Variants in STARD6 observed in about 807,000 individuals in gnomAD.
STARD6 encodes stAR-related lipid transfer protein 6.
In STARD6, 21 loss-of-function variants were observed where a neutral mutation model predicts 22.3. The observed-to-expected ratio is 0.94, with a 90% CI of 0.67 to 1.35. The LOEUF is 1.35. STARD6 is among the 40% of genes most tolerant of loss of function. The pLI is 0.00. For missense variants in STARD6, 269 were observed against 266.9 expected (o/e 1.01, Z -0.05); for synonymous variants, 80 against 88.1 (o/e 0.91, Z 0.52).
At chr18:54,351,985 T>A (rs1375694346) in intron 4 of STARD6, among the ~76,000 whole-genome samples, 1 of 151,154 alleles carries the variant, frequency 6.6e-6, no homozygotes, top group African/African-American at 2.4e-5. Context: ...GATTCCTTCT[T>A]TCTCTATCTT....
intron 5 of STARD6, among the ~76,000 whole-genome samples, chr18:54,333,486 T>C (rs2088883056): frequency 6.6e-6 from 1 of 152,184 alleles, no homozygotes; most frequent in African/African-American, 2.4e-5. Flanking sequence ...TCAAACTGTA[T>C]GATTAGTATC....
intron 6 of STARD6, among the ~76,000 whole-genome samples, chr18:54,330,516 C>G (rs1004582958): frequency 6.6e-6 from 1 of 152,006 alleles, no homozygotes; most frequent in African/African-American, 2.4e-5. Context: ...ACTTTCTTAA[C>G]TGCTTAATTT....
chr18:54,334,377 A>G (rs1424702401), intron 5 of STARD6, among the ~76,000 whole-genome samples: 1 of 152,178 alleles, frequency 6.6e-6, no homozygotes, highest in Non-Finnish European at 1.5e-5. Flanking sequence ...AGTGTAAATC[A>G]AATCAGTCAC....
chr18:54,330,212 A>G (rs748757112), intron 6 of STARD6, among the ~76,000 whole-genome samples: 7 of 152,078 alleles, frequency 4.6e-5, no homozygotes, highest in Non-Finnish European at 1.0e-4. Flanking sequence ...GGGAAATACA[A>G]TGTAAAACAC....
chr18:54,339,442 C>A, intron 4 of STARD6, among the ~76,000 whole-genome samples: 1 of 149,778 alleles, frequency 6.7e-6, no homozygotes, highest in Non-Finnish European at 1.5e-5. Flanking sequence ...AGTCAAAATT[C>A]TGAACATGAA....
Position 54,348,557 on chromosome 18 carries a change from T to C in STARD6, c.140+5497A>G, listed in dbSNP as rs1484521001. ...CACTAGTTAGGTGACTTGGAGATAG[T>C]AACTTACATAGGCCCTTATTCATTT... is the stretch of plus-strand genomic sequence containing the variant. On this transcript the variant is annotated intron_variant, in intron 4 of 7. Transcript: ENST00000307844. Among the ~76,000 whole-genome samples the C allele has an allele frequency of 2.0e-5, 3 of 152,166 alleles. No individual in the cohort carries two copies. In the East Asian group the frequency reaches 5.8e-4, roughly 29 times the overall value.
rs970690217 is a variant in STARD6, at chr18:54,331,739, T to C, written c.385+3A>G. Reference sequence around the variant, plus strand: ...AAGATATGGGCAAAATGTTTCAACTTACAACTGATAATGTTCATATTTCCT... The same window carrying C: ...AAGATATGGGCAAAATGTTTCAACTCACAACTGATAATGTTCATATTTCCT... On this transcript the variant is annotated splice_donor_region_variant and intron_variant, in intron 6 of 7. Coordinates refer to ENST00000307844, the MANE Select transcript of STARD6 (RefSeq NM_139171.2). 29 of 1,597,688 alleles carry C rather than the reference T, an allele frequency of 1.8e-5. No individual in the cohort carries two copies. Among genetic ancestry groups the C allele is most frequent in the Non-Finnish European group, 2.4e-5 (28 of 1,168,024 alleles).
chr18:54,347,958 C>T (rs962774268), intron 4 of STARD6, among the ~76,000 whole-genome samples: 3 of 151,986 alleles, frequency 2.0e-5, no homozygotes, highest in African/African-American at 7.2e-5. Flanking sequence ...GGCGGTTTCC[C>T]CCATATTGTT....
In STARD6 at chr18:54,354,908, C is replaced by T. The variant is rs144289792; in HGVS notation, c.-4-331G>A. On this transcript the variant is annotated intron_variant, in intron 2 of 7. Coordinates refer to ENST00000307844, the MANE Select transcript of STARD6 (RefSeq NM_139171.2). ...GATAATATATGTCTTGTAGAATTAGCGTGAGGATTAGATGAGATGATATGC... is the reference window on the plus strand; with the variant it reads ...GATAATATATGTCTTGTAGAATTAGTGTGAGGATTAGATGAGATGATATGC... Among the ~76,000 whole-genome samples the T allele has an allele frequency of 2.0e-3, 307 of 152,242 alleles. 4 individuals carry two copies. The highest frequency in any genetic ancestry group is 9.0e-3 in the Admixed American group (137 of 15,292).
chr18:54,354,366 C>T, intron 3 of STARD6, 118 bp downstream of exon 3: 6 of 854,720 alleles, frequency 7.0e-6, no homozygotes, highest in Non-Finnish European at 1.1e-5. Flanking sequence ...GTAGCTGGGA[C>T]TATAGGTGCA....
chr18:54,350,448 C>T (rs1267063972), intron 4 of STARD6, among the ~76,000 whole-genome samples: 3 of 151,862 alleles, frequency 2.0e-5, no homozygotes, highest in Non-Finnish European at 2.9e-5. Flanking sequence ...TTTCCTCTGC[C>T]GATTATTTCT....
At chr18:54,333,560 A>T (rs1199124823) in intron 5 of STARD6, among the ~76,000 whole-genome samples, 1 of 152,202 alleles carries the variant, frequency 6.6e-6, no homozygotes, top group African/African-American at 2.4e-5. Context: ...GTGGTTCTCA[A>T]ACTGAATGTT....
chr18:54,345,050 CAGTT>C lies in STARD6; in HGVS notation c.141-7803_141-7800del, dbSNP rs1215180035. ...ATTGTATTGGAGGTACTAGCCCAGG[CAGTT>C]AGGTTAGAAAAAGAAATAAAAGTCA... On this transcript the variant is annotated intron_variant, in intron 4 of 7. Transcript: ENST00000307844. Among the ~76,000 whole-genome samples the C allele has an allele frequency of 7.2e-5, 11 of 152,076 alleles. No homozygotes were observed. The South Asian group carries it at 1.2e-3, about 17-fold the overall frequency.
At chr18:54,351,305 C>T (rs1599310947) in intron 4 of STARD6, among the ~76,000 whole-genome samples, 1 of 152,154 alleles carries the variant, frequency 6.6e-6, no homozygotes. Flanking sequence ...AGCAGTGCTA[C>T]TGATTTGTGT....
In STARD6 at chr18:54,329,430, C is replaced by T; in HGVS notation, c.396G>A (p.Val132=). The change falls in exon 7 of 8, where the codon GTG becomes GTA. Residue 132 remains valine, a synonymous_variant. Transcript: ENST00000307844. ...GNMNIISSKS[V]DFPEYPPSSN... ...AAGATGGAGGATATTCTGGAAAATC[C>T]ACACTTTTAGCTAAGAGATTTTAAA... 6.3e-7 allele frequency: 1 copy of T among 1,599,894 alleles called. No individual in the cohort carries two copies. The highest frequency in any genetic ancestry group is 8.5e-7 in the Non-Finnish European group (1 of 1,174,862).
At position 54,342,487 on chromosome 18, in the gene STARD6, G is replaced by A. The variant is rs28731374; in HGVS notation, c.141-5236C>T. 5.6e-4 allele frequency among the ~76,000 whole-genome samples: 64 copies of A among 114,986 alleles called. No homozygotes were observed. The East Asian group carries it at 0.011, about 20-fold the overall frequency. The allele number at this position is 114,986 out of a possible 152,430, so 75.4% of individuals were successfully genotyped here. On this transcript the variant is annotated intron_variant, in intron 4 of 7. Coordinates refer to ENST00000307844, the MANE Select transcript of STARD6 (RefSeq NM_139171.2). ...TCCCTCCCTCTCCGTCTCCGTCTCCGTCTCCCTCTCCCCACGGTCTCCCTC... is the reference window on the plus strand; with the variant it reads ...TCCCTCCCTCTCCGTCTCCGTCTCCATCTCCCTCTCCCCACGGTCTCCCTC...
Position 54,354,541 on chromosome 18 carries a change from G to A in STARD6, c.33C>T (p.Ala11=), listed in dbSNP as rs2089126989. 1.2e-6 allele frequency: 2 copies of A among 1,612,400 alleles called. No homozygotes were observed. The highest frequency in any genetic ancestry group is 2.7e-5 in the African/African-American group (2 of 74,882). The part of the protein sequence containing the change: MDFKAIAQQT[A]QEVLGYNRDT... ...CTCGATTATAACCTAAAACTTCTTG[G>A]GCAGTTTGTTGGGCAATTGCCTTGA... The change falls in exon 3 of 8, where the codon GCC becomes GCT. Residue 11 remains alanine (A), a synonymous_variant. Transcript: ENST00000307844.
At chr18:54,351,015 G>A (rs1232259129) in intron 4 of STARD6, among the ~76,000 whole-genome samples, 4 of 152,158 alleles carry the variant, frequency 2.6e-5, no homozygotes, top group Non-Finnish European at 5.9e-5. Flanking sequence ...CTAGTTCTGT[G>A]AAGAAGGATG....
chr18:54,338,086 C>T (rs7240948), intron 4 of STARD6, among the ~76,000 whole-genome samples: 53,189 of 152,084 alleles, frequency 0.35, 10,808 homozygotes, highest in East Asian at 0.68. Flanking sequence ...TCCCAAGCCA[C>T]ATTCAGATTG....
Sources: allele counts gnomAD v4.1 joint callset (sites outside exome capture counted in the v4.1 genomes callset), GRCh38; gene constraint gnomAD v4.1.1; transcripts MANE v1.5; gene names NCBI Gene and HGNC (gene_info 2026-07-23, HGNC 2026-07-21).